The following YAF2 variants were observed in gnomAD, a reference collection of about 807,000 sequenced individuals.
YAF2 encodes the protein YY1 associated factor 2, also known as YY1-associated factor 2.
In YAF2, 7 loss-of-function variants were observed where a neutral mutation model predicts 20.1. That is an observed-to-expected ratio of 0.35 (90% confidence interval 0.20 to 0.65). The LOEUF (loss-of-function observed/expected upper bound fraction) is 0.65. Among genes scored for constraint, YAF2 ranks in the 30% least tolerant of loss-of-function variants. The pLI is 0.69. For missense variants in YAF2, 151 were observed against 219.2 expected, an observed-to-expected ratio of 0.69 and a Z score of 1.96; for synonymous variants, 74 against 76.0, an observed-to-expected ratio of 0.97 and a Z score of 0.14.
chr12:42,235,051 G>T (rs139849170), intron 2 of YAF2: 122 of 985,464 alleles, frequency 1.2e-4, no homozygotes, highest in Non-Finnish European at 1.4e-4. Flanking sequence ...TTCTCTGCAG[G>T]TCTAAAAAGA....
At chr12:42,211,427 CAAAAAA>C (rs34683165) in intron 2 of YAF2, among the ~76,000 whole-genome samples, 4 of 51,608 alleles carry the variant, frequency 7.8e-5, no homozygotes, top group Non-Finnish European at 1.0e-4. Flanking sequence ...ACTCTGTCTC[CAAAAAA>C]AAAAAAAAAA....
At chr12:42,163,896 G>T (rs77806887) in intron 2 of YAF2, among the ~76,000 whole-genome samples, 11 of 152,164 alleles carry the variant, frequency 7.2e-5, no homozygotes, top group Admixed American at 3.3e-4. Flanking sequence ...GTATCTTAAG[G>T]TTTGTGATCC....
At chr12:42,227,149 G>C (rs982497964) in intron 2 of YAF2, among the ~76,000 whole-genome samples, 1 of 145,768 alleles carries the variant, frequency 6.9e-6, no homozygotes. Flanking sequence ...AGCGCCGCCC[G>C]GGAGGCAGCG....
chr12:42,161,022 C>T (rs2065788509), intron 3 of YAF2, 196 bp from the exon 4 acceptor site: 1 of 535,964 alleles, frequency 1.9e-6, no homozygotes, highest in Admixed American at 3.8e-5. Context: ...CATGAACATT[C>T]TTCAATGCAA....
intron 2 of YAF2, among the ~76,000 whole-genome samples, chr12:42,222,441 T>C (rs542113675): frequency 5.3e-5 from 8 of 152,302 alleles, no homozygotes; most frequent in African/African-American, 1.9e-4. Flanking sequence ...CAGGTTTCAA[T>C]CTAGGCTCTA....
At chr12:42,183,345 T>C (rs1456684547) in intron 2 of YAF2, among the ~76,000 whole-genome samples, 1 of 152,188 alleles carries the variant, frequency 6.6e-6, no homozygotes, top group African/African-American at 2.4e-5. Flanking sequence ...CTAGAAATGA[T>C]TAAGCTTAGT....
chr12:42,161,758 G>A lies in YAF2; in HGVS notation c.160C>T (p.Arg54Ter), dbSNP rs1197869303. 2.5e-6 allele frequency: 4 copies of A among 1,601,976 alleles called. No homozygotes were observed. Among genetic ancestry groups the A allele is most frequent in the South Asian group, 1.1e-5 (1 of 87,478 alleles). Residue 54 changes from arginine (R) to a stop codon, truncating the protein, a stop_gained, in exon 3 of 4, where the codon CGA becomes TGA. Coordinates refer to ENST00000534854, the MANE Select transcript of YAF2 (RefSeq NM_005748.6). LOFTEE classifies it high-confidence loss of function. The part of the protein sequence containing the change: ...VRKGTSTRKP[R>*]PVSQLVAQQV... ...TGTGCAACCAACTGGGAGACAGGTC[G>A]AGGTTTCCTGTGTGCATGTTAAAAA...
At chr12:42,199,251 C>T (rs1192997002) in intron 2 of YAF2, 1 of 1,278,120 alleles carries the variant, frequency 7.8e-7, no homozygotes, top group Non-Finnish European at 1.0e-6. Flanking sequence ...AAAAGGGTTA[C>T]AGAGTAAGAA....
chr12:42,233,244 G>A (rs1592069450), intron 2 of YAF2: 2 of 985,206 alleles, frequency 2.0e-6, no homozygotes, highest in South Asian at 4.7e-5. Flanking sequence ...CTAAAGGACT[G>A]TTATAATATC....
chr12:42,165,959 C>T (rs1262923745), intron 2 of YAF2, among the ~76,000 whole-genome samples: 2 of 151,014 alleles, frequency 1.3e-5, no homozygotes, highest in African/African-American at 2.5e-5. Flanking sequence ...ACACTGTCAC[C>T]CAGGCTGGAG....
Position 42,209,257 on chromosome 12 carries a change from GA to G in YAF2, c.152+28341del, listed in dbSNP as rs765669026. 8.6e-3 allele frequency among the ~76,000 whole-genome samples: 1,187 copies of G among 137,564 alleles called. 8 individuals are homozygous for G. Among genetic ancestry groups the G allele is most frequent in the African/African-American group, 0.025 (953 of 37,994 alleles). 90.2% of individuals were successfully genotyped at this position (137,564 alleles called of 152,430 possible). Reference sequence around the variant, plus strand: ...GAAAACTGTCATTAAGAAGTGCTAGGAAAAAAAAAAAAAAGTGCTAGTCAGG... The same window carrying G: ...GAAAACTGTCATTAAGAAGTGCTAGGAAAAAAAAAAAAAGTGCTAGTCAGG... On this transcript the variant is annotated intron_variant, in intron 2 of 3. Transcript: ENST00000534854.
chr12:42,171,078 C>T (rs1435780705), intron 2 of YAF2, among the ~76,000 whole-genome samples: 1 of 151,856 alleles, frequency 6.6e-6, no homozygotes, highest in African/African-American at 2.4e-5. Context: ...CTGCAACCTC[C>T]GTCTCCTGGG....
chr12:42,165,885 T>C (rs1175545397), intron 2 of YAF2, among the ~76,000 whole-genome samples: 1 of 144,250 alleles, frequency 6.9e-6, no homozygotes, highest in Non-Finnish European at 1.5e-5. Context: ...ATTCTATCTA[T>C]ATCTATCTAT....
At chr12:42,233,839 T>C (rs1328309976) in intron 2 of YAF2, 1 of 985,326 alleles carries the variant, frequency 1.0e-6, no homozygotes, top group South Asian at 4.7e-5. Context: ...TCCTAAAGTT[T>C]CTTGCATTTA....
At chr12:42,203,431 T>C (rs1015566275) in intron 2 of YAF2, among the ~76,000 whole-genome samples, 85 of 152,166 alleles carry the variant, frequency 5.6e-4, no homozygotes, top group Non-Finnish European at 2.4e-4. Flanking sequence ...TTTTCTTTCT[T>C]TTTTGCGTAT....
intron 2 of YAF2, among the ~76,000 whole-genome samples, chr12:42,183,584 C>T (rs150935737): frequency 7.2e-4 from 109 of 152,284 alleles, no homozygotes; most frequent in Middle Eastern, 6.8e-3. Context: ...AAAGCCTAAT[C>T]CACAGCAAGA....
intron 2 of YAF2, chr12:42,172,242 A>C (rs1004530099): frequency 6.6e-6 from 1 of 152,222 alleles, no homozygotes; most frequent in Non-Finnish European, 1.5e-5. Flanking sequence ...TTTTGAGTTA[A>C]AGTTGCATCA....
intron 2 of YAF2, among the ~76,000 whole-genome samples, chr12:42,185,208 A>C (rs2066442037): frequency 6.6e-6 from 1 of 152,200 alleles, no homozygotes; most frequent in African/African-American, 2.4e-5. Flanking sequence ...AAACAAAAAA[A>C]CAGAACTAGA....
chr12:42,165,773 G>GTTTT (rs71084620), intron 2 of YAF2, among the ~76,000 whole-genome samples: 2 of 116,106 alleles, frequency 1.7e-5, no homozygotes. Flanking sequence ...GCCCGGCCAG[G>GTTTT]TTTTTTTTTT....
Sources: gnomAD v4.1 joint callset for allele counts (sites outside exome capture counted in the v4.1 genomes callset) on GRCh38, gnomAD v4.1.1 for gene constraint, MANE v1.5 for transcripts, NCBI Gene and HGNC (gene_info 2026-07-23, HGNC 2026-07-21) for gene names.